The following PCDH7 variants were observed in gnomAD, a reference collection of about 807,000 sequenced individuals.
PCDH7 encodes protocadherin-7.
Under a neutral mutation model 58.9 loss-of-function variants are expected in PCDH7, and 17 were observed. The observed-to-expected ratio is 0.29, with a 90% CI of 0.20 to 0.43. The LOEUF is 0.43. PCDH7 is among the 20% of genes least tolerant of loss of function. The pLI is 1.00. For missense variants in PCDH7, 1,274 were observed against 1,441.0 expected, an observed-to-expected ratio of 0.88 and a Z score of 1.88; for synonymous variants, 664 against 616.4, an observed-to-expected ratio of 1.08 and a Z score of -1.14.
intron 3 of PCDH7, among the ~76,000 whole-genome samples, chr4:31,102,521 G>A (rs573853319): frequency 3.9e-5 from 6 of 152,150 alleles, no homozygotes; most frequent in East Asian, 3.9e-4. Context: ...TCAGGAGTTC[G>A]AGACCAGCCT....
intron 3 of PCDH7, among the ~76,000 whole-genome samples, chr4:31,073,331 C>T (rs1758709574): frequency 6.6e-6 from 1 of 152,062 alleles, no homozygotes; most frequent in Non-Finnish European, 1.5e-5. Context: ...ATACTCAACC[C>T]ACTGATATTT....
chr4:31,013,347 GTGTA>G lies in PCDH7; in HGVS notation c.*7+63142_*7+63145del, dbSNP rs753748274. Among the ~76,000 whole-genome samples the G allele has an allele frequency of 8.8e-5, 12 of 135,964 alleles. 1 individual carries two copies. Among genetic ancestry groups the G allele is most frequent in the Non-Finnish European group, 1.9e-4 (12 of 61,696 alleles). 89.2% of individuals were successfully genotyped at this position (135,964 alleles called of 152,430 possible). A position where few individuals can be genotyped will look rare whatever the true frequency, so the allele number is the denominator to read the frequency against. On this transcript the variant is annotated intron_variant, in intron 3 of 3. Transcript: ENST00000509759. ...ACACATACACACATACTATATATCT[GTGTA>G]TGTATGTATTATTTTCACAGAGAAA...
intron 1 of PCDH7, among the ~76,000 whole-genome samples, chr4:30,772,014 A>T (rs1308319317): frequency 6.6e-6 from 1 of 151,946 alleles, no homozygotes; most frequent in African/African-American, 2.4e-5. Context: ...ACAATCACAG[A>T]TGCCTGCCAC....
chr4:30,802,473 A>T (rs1725648074), intron 1 of PCDH7, among the ~76,000 whole-genome samples: 1 of 152,088 alleles, frequency 6.6e-6, no homozygotes, highest in Non-Finnish European at 1.5e-5. Context: ...TTAGAGGTTG[A>T]ACAGGAAGGA....
chr4:30,784,489 A>G (rs138391873), intron 1 of PCDH7, among the ~76,000 whole-genome samples: 27 of 152,294 alleles, frequency 1.8e-4, no homozygotes, highest in African/African-American at 6.5e-4. Flanking sequence ...GGACTTCATT[A>G]TGCTGCATAG....
intron 1 of PCDH7, among the ~76,000 whole-genome samples, chr4:30,891,780 T>TG (rs201267749): frequency 0.2 from 30,684 of 151,180 alleles, 3,571 homozygotes; most frequent in East Asian, 0.29. Flanking sequence ...TTTGTTTTTT[T>TG]TTTTTCTCTG....
downstream of PCDH7, among the ~76,000 whole-genome samples, chr4:30,736,284 C>T (rs1196046032): frequency 6.6e-6 from 1 of 152,090 alleles, no homozygotes. Flanking sequence ...AGCTCTCCTA[C>T]CCCATACTGG....
chr4:31,075,461 T>G lies in PCDH7; in HGVS notation c.*8-67012T>G, dbSNP rs955882799. ...CCTTAATTTCTACCTCTGTAGTATC[T>G]TCTCTCACAAATTAAAGAAATAATG... On this transcript the variant is annotated intron_variant, in intron 3 of 3. Coordinates refer to the PCDH7 transcript ENST00000509759. Among the ~76,000 whole-genome samples the G allele has an allele frequency of 2.0e-5, 3 of 152,212 alleles. No individual in the cohort carries two copies. The South Asian group carries it at 6.2e-4, about 32-fold the overall frequency.
Position 30,752,327 on chromosome 4 carries a change from T to A in PCDH7, c.70+27731T>A, listed in dbSNP as rs189124106. Among the ~76,000 whole-genome samples, 336 of 152,104 alleles carry A rather than the reference T, an allele frequency of 2.2e-3. 1 individual carries two copies. The highest frequency in any genetic ancestry group is 8.1e-3 in the East Asian group (42 of 5,158). On this transcript the variant is annotated intron_variant, in intron 1 of 3. Coordinates refer to the PCDH7 transcript ENST00000509759. Reference sequence around the variant, plus strand: ...TTTCGTATTTTTAGTAGAGACGGGGTTTCACCATGTTGGTCAGGCTGGTCC... The same window carrying A: ...TTTCGTATTTTTAGTAGAGACGGGGATTCACCATGTTGGTCAGGCTGGTCC...
At chr4:30,850,687 C>A (rs1250669317) in intron 1 of PCDH7, among the ~76,000 whole-genome samples, 1 of 151,998 alleles carries the variant, frequency 6.6e-6, no homozygotes, top group Non-Finnish European at 1.5e-5. Context: ...TCTTTGTAGT[C>A]TTCTGTGTCA....
chr4:30,763,072 G>A (rs566547712), intron 1 of PCDH7, among the ~76,000 whole-genome samples: 4 of 152,118 alleles, frequency 2.6e-5, no homozygotes, highest in African/African-American at 4.8e-5. Flanking sequence ...GTGAAACCCC[G>A]TCTCTACTAA....
rs145405781 is a variant in PCDH7 at position 31,002,268 on chromosome 4, G to A, written c.*7+52053G>A. ...GCCTTTCAAAGGGATAAAATGATAAGCACTCAGGCACCATGGTTTCACCAG... is the reference window on the plus strand; with the variant it reads ...GCCTTTCAAAGGGATAAAATGATAAACACTCAGGCACCATGGTTTCACCAG... On this transcript the variant is annotated intron_variant, in intron 3 of 3. Transcript: ENST00000509759. Among the ~76,000 whole-genome samples the A allele has an allele frequency of 6.0e-3, 916 of 152,278 alleles. 7 individuals carry two copies. The highest frequency in any genetic ancestry group is 0.021 in the African/African-American group (889 of 41,562).
At chr4:30,869,575 T>C (rs1735291805) in intron 1 of PCDH7, among the ~76,000 whole-genome samples, 1 of 152,160 alleles carries the variant, frequency 6.6e-6, no homozygotes, top group Non-Finnish European at 1.5e-5. Context: ...AGAAGGATGG[T>C]TTCCAGCTTC....
intron 3 of PCDH7, among the ~76,000 whole-genome samples, chr4:31,027,029 C>G (rs1754492536): frequency 6.6e-6 from 1 of 152,148 alleles, no homozygotes; most frequent in African/African-American, 2.4e-5. Flanking sequence ...TAATCTAATG[C>G]AATTATAACA....
intron 3 of PCDH7, among the ~76,000 whole-genome samples, chr4:31,141,743 T>C (rs1274405544): frequency 6.6e-6 from 1 of 152,146 alleles, no homozygotes; most frequent in Admixed American, 6.6e-5. Context: ...ACCCAGTACA[T>C]TACATTTCAG....
intron 3 of PCDH7, among the ~76,000 whole-genome samples, chr4:31,038,023 G>A (rs1755556700): frequency 6.6e-6 from 1 of 152,238 alleles, no homozygotes; most frequent in South Asian, 2.1e-4. Flanking sequence ...AGGTTTGGCA[G>A]CAGATGGTCA....
intron 3 of PCDH7, among the ~76,000 whole-genome samples, chr4:30,953,763 T>G (rs1426641308): frequency 6.6e-6 from 1 of 152,140 alleles, no homozygotes; most frequent in African/African-American, 2.4e-5. Context: ...ATATTTTAGT[T>G]TGTGTTGGTT....
intron 3 of PCDH7, among the ~76,000 whole-genome samples, chr4:31,065,905 C>T (rs370935051): frequency 2.0e-5 from 3 of 151,680 alleles, no homozygotes; most frequent in Non-Finnish European, 4.4e-5. Context: ...AATTTCACTG[C>T]GAAAAATTGA....
At chr4:31,000,715 A>C (rs1311495281) in intron 3 of PCDH7, among the ~76,000 whole-genome samples, 1 of 152,044 alleles carries the variant, frequency 6.6e-6, no homozygotes, top group Non-Finnish European at 1.5e-5. Context: ...AACATGTGAC[A>C]CAAAGAAAAG....
Sources: allele counts gnomAD v4.1 joint callset (sites outside exome capture counted in the v4.1 genomes callset), GRCh38; gene constraint gnomAD v4.1.1; transcripts MANE v1.5; gene names NCBI Gene and HGNC (gene_info 2026-07-23, HGNC 2026-07-21).